ZPBP: variants seen among roughly 807,000 people sequenced by gnomAD.
The protein encoded by ZPBP is zona pellucida-binding protein 1.
In ZPBP, 26 loss-of-function variants were observed where a neutral mutation model predicts 44.8. The observed-to-expected ratio is 0.58, with a 90% CI of 0.43 to 0.81. The LOEUF (loss-of-function observed/expected upper bound fraction) is 0.81. Ranked by LOEUF, ZPBP falls within the 30% of genes least tolerant of loss-of-function variation. ZPBP has a pLI of 0.00. For synonymous variants in ZPBP, 174 were observed against 153.2 expected (o/e 1.14, Z -1.00); for missense variants, 409 against 434.0 (o/e 0.94, Z 0.51).
intron 7 of ZPBP, among the ~76,000 whole-genome samples, 155 bp from the exon 8 acceptor site, chr7:49,937,777 T>C (rs2046300): frequency 0.78 from 118,317 of 152,162 alleles, 46,179 homozygotes; most frequent in East Asian, 0.89. Context: ...CTTGCAAAAC[T>C]GCAACTCTAT....
the ZPBP span, among the ~76,000 whole-genome samples, chr7:49,843,963 A>G: frequency 6.6e-6 from 1 of 152,332 alleles, no homozygotes; most frequent in South Asian, 2.1e-4. Flanking sequence ...ATTCTATTAC[A>G]GGGGCCTATG....
At chr7:49,907,026 G>A (rs1285888738) in intron 1 of ZPBP, among the ~76,000 whole-genome samples, 2 of 152,126 alleles carry the variant, frequency 1.3e-5, no homozygotes, top group East Asian at 1.9e-4. Context: ...ATAAACAATG[G>A]TGAAGGCACA....
chr7:50,001,421 C>A (rs1281734896), intron 6 of ZPBP, among the ~76,000 whole-genome samples: 1 of 152,066 alleles, frequency 6.6e-6, no homozygotes, highest in Non-Finnish European at 1.5e-5. Flanking sequence ...TTCTTCTTTG[C>A]ACTCCCATCA....
At chr7:49,903,805 G>T (rs1053811066) in intron 1 of ZPBP, among the ~76,000 whole-genome samples, 1 of 152,166 alleles carries the variant, frequency 6.6e-6, no homozygotes, top group Admixed American at 6.5e-5. Flanking sequence ...GGGAGCGGAG[G>T]TTTAATAGGC....
intron 5 of ZPBP, among the ~76,000 whole-genome samples, chr7:50,024,061 C>A (rs1799212720): frequency 6.6e-6 from 1 of 151,890 alleles, no homozygotes; most frequent in African/African-American, 2.4e-5. Flanking sequence ...GGAAAAAGTG[C>A]TTAACATCAC....
chr7:50,031,899 T>C (rs1056847972), intron 4 of ZPBP, among the ~76,000 whole-genome samples: 9 of 151,340 alleles, frequency 5.9e-5, no homozygotes, highest in Non-Finnish European at 1.0e-4. Flanking sequence ...ACAAGAAAAA[T>C]AAAAATGAAA....
At chr7:49,884,686 C>G (rs755131651) in intron 2 of ZPBP, among the ~76,000 whole-genome samples, 2 of 152,160 alleles carry the variant, frequency 1.3e-5, no homozygotes, top group Non-Finnish European at 2.9e-5. Flanking sequence ...TGCTGCCTGA[C>G]TGTGTCAACA....
At chr7:49,872,655 C>T (rs1046614536) in intron 2 of ZPBP, among the ~76,000 whole-genome samples, 1 of 151,024 alleles carries the variant, frequency 6.6e-6, no homozygotes, top group Non-Finnish European at 1.5e-5. Context: ...CCTGTAATCC[C>T]AGCTCTTTGG....
intron 6 of ZPBP, among the ~76,000 whole-genome samples, chr7:49,998,366 AC>A (rs1400731527): frequency 6.6e-6 from 1 of 152,198 alleles, no homozygotes; most frequent in Non-Finnish European, 1.5e-5. Flanking sequence ...CACACCTGGA[AC>A]GTCTGAAGCC....
intron 2 of ZPBP, among the ~76,000 whole-genome samples, chr7:49,863,853 G>A (rs745450708): frequency 2.6e-5 from 4 of 152,094 alleles, no homozygotes; most frequent in East Asian, 1.9e-4. Context: ...TTAGATTATC[G>A]ATTTGAGATC....
chr7:50,022,929 G>C (rs1799160677), intron 5 of ZPBP, among the ~76,000 whole-genome samples: 1 of 151,990 alleles, frequency 6.6e-6, no homozygotes, highest in Non-Finnish European at 1.5e-5. Flanking sequence ...CAGTAGGGGA[G>C]GGCTTCCAAA....
At chr7:50,012,028 C>T (rs1291614532) in intron 6 of ZPBP, among the ~76,000 whole-genome samples, 1 of 144,026 alleles carries the variant, frequency 6.9e-6, no homozygotes, top group Non-Finnish European at 1.5e-5. Flanking sequence ...GAGACCCCGT[C>T]TCAAAAAAGA....
chr7:50,073,537 T>C (rs1333071699), intron 3 of ZPBP, among the ~76,000 whole-genome samples: 2 of 152,034 alleles, frequency 1.3e-5, no homozygotes, highest in Non-Finnish European at 2.9e-5. Context: ...AAAGTCATAA[T>C]ATCCAAGTAC....
In ZPBP at chr7:49,877,481, A is replaced by AAAAAAATATACATATATAT; in HGVS notation, n.509+23636_509+23637insATATATATGTATATTTTTT. ...CTGTCTCAAAAAAAAAAAAAAAAAA[A>AAAAAAATATACATATATAT]ATATATATATATATATATATATATA... On this transcript the variant is annotated intron_variant and non_coding_transcript_variant, in intron 2 of 2. Coordinates refer to the ZPBP transcript ENST00000465922. Among the ~76,000 whole-genome samples, 22 of 12,730 alleles carry AAAAAAATATACATATATAT rather than the reference A, an allele frequency of 1.7e-3. 5 individuals carry two copies. Among genetic ancestry groups the AAAAAAATATACATATATAT allele is most frequent in the African/African-American group, 5.5e-3 (20 of 3,604 alleles). 8.4% of individuals were successfully genotyped at this position (12,730 alleles called of 152,430 possible). A position where few individuals can be genotyped will look rare whatever the true frequency, so the allele number is the denominator to read the frequency against.
intron 7 of ZPBP, among the ~76,000 whole-genome samples, chr7:49,961,320 G>A (rs1297263041): frequency 2.0e-5 from 3 of 152,060 alleles, no homozygotes; most frequent in Admixed American, 2.0e-4. Flanking sequence ...TCAACAAAAT[G>A]GATGAATCTC....
At chr7:50,089,606 A>G in intron 2 of ZPBP, 23 bp downstream of exon 2, 4 of 1,534,282 alleles carry the variant, frequency 2.6e-6, no homozygotes, top group Non-Finnish European at 3.6e-6. Context: ...TTTAAAAATT[A>G]GTGAAAATAT....
At chr7:49,915,828 T>C (rs972404293) in intron 1 of ZPBP, 3 of 152,182 alleles carry the variant, frequency 2.0e-5, no homozygotes, top group Non-Finnish European at 4.4e-5. Context: ...ATGAAGAGTA[T>C]CAGATGTACA....
At chr7:49,982,226 TA>T (rs1294768803) in intron 7 of ZPBP, among the ~76,000 whole-genome samples, 3 of 107,628 alleles carry the variant, frequency 2.8e-5, no homozygotes, top group Non-Finnish European at 5.2e-5. Flanking sequence ...ATGTAATATA[TA>T]ATATATAATA....
chr7:50,052,834 A>G (rs1293248582), intron 4 of ZPBP, among the ~76,000 whole-genome samples: 1 of 152,194 alleles, frequency 6.6e-6, no homozygotes, highest in Non-Finnish European at 1.5e-5. Flanking sequence ...AAAAAAGTCA[A>G]TCCCCTAAGA....
Sources: gnomAD v4.1 joint callset for allele counts (sites outside exome capture counted in the v4.1 genomes callset) on GRCh38, gnomAD v4.1.1 for gene constraint, MANE v1.5 for transcripts, NCBI Gene and HGNC (gene_info 2026-07-23, HGNC 2026-07-21) for gene names.